Variants in ATXN1 observed in about 807,000 individuals in gnomAD.
ATXN1 encodes ataxin-1.
ATXN1 carries 8 observed loss-of-function variants against 56.4 expected under a neutral mutation model. The observed-to-expected ratio is 0.14, with a 90% confidence interval of 0.08 to 0.26. The LOEUF (loss-of-function observed/expected upper bound fraction) is 0.26, where lower values mean the gene tolerates loss of function less well. Among genes scored for constraint, ATXN1 ranks in the 10% least tolerant of loss-of-function variants. ATXN1 has a pLI of 1.00. For synonymous variants in ATXN1, 514 were observed against 494.6 expected (o/e 1.04, Z -0.52); for missense variants, 987 against 1,106.5 (o/e 0.89, Z 1.53).
At chr6:16,520,061 C>A (rs1458616747) in intron 5 of ATXN1, among the ~76,000 whole-genome samples, 1 of 152,214 alleles carries the variant, frequency 6.6e-6, no homozygotes, top group African/African-American at 2.4e-5. Flanking sequence ...GGAACCAATG[C>A]ATGTCATTGC....
intron 4 of ATXN1, among the ~76,000 whole-genome samples, chr6:16,541,911 CAGA>C (rs1364907852): frequency 6.6e-6 from 1 of 152,118 alleles, no homozygotes; most frequent in Non-Finnish European, 1.5e-5. Context: ...ACTCAAAGGA[CAGA>C]AAGTACAATG....
At chr6:16,359,410 AG>A (rs919158092) in intron 6 of ATXN1, among the ~76,000 whole-genome samples, 3 of 152,098 alleles carry the variant, frequency 2.0e-5, no homozygotes, top group Non-Finnish European at 4.4e-5. Flanking sequence ...CCAGGGACAA[AG>A]GGGGCAGAGA....
intron 6 of ATXN1, among the ~76,000 whole-genome samples, chr6:16,464,428 G>A (rs1015400916): frequency 2.6e-5 from 4 of 152,134 alleles, no homozygotes; most frequent in Admixed American, 1.3e-4. Context: ...ACCACAGCCA[G>A]CAGCAGCAAC....
chr6:16,365,113 C>T (rs1761891867), intron 6 of ATXN1, among the ~76,000 whole-genome samples: 1 of 151,992 alleles, frequency 6.6e-6, no homozygotes, highest in Non-Finnish European at 1.5e-5. Flanking sequence ...ACAATGTGCA[C>T]GTTTGTTACA....
intron 6 of ATXN1, among the ~76,000 whole-genome samples, chr6:16,335,717 G>A (rs1761109036): frequency 6.6e-6 from 1 of 152,208 alleles, no homozygotes; most frequent in Non-Finnish European, 1.5e-5. Flanking sequence ...CATGCTGGAT[G>A]ATCCAGGTGG....
At chr6:16,444,981 G>A (rs1759602837) in intron 6 of ATXN1, among the ~76,000 whole-genome samples, 2 of 152,108 alleles carry the variant, frequency 1.3e-5, no homozygotes, top group African/African-American at 4.8e-5. Flanking sequence ...TCCAAACCCA[G>A]ACGGGTGGGA....
intron 6 of ATXN1, among the ~76,000 whole-genome samples, chr6:16,361,842 A>G (rs1322340711): frequency 6.6e-6 from 1 of 152,214 alleles, no homozygotes; most frequent in Non-Finnish European, 1.5e-5. Flanking sequence ...TTCTGATTCT[A>G]AATGGTCAAT....
At chr6:16,373,727 C>T (rs985485611) in intron 6 of ATXN1, among the ~76,000 whole-genome samples, 1 of 152,196 alleles carries the variant, frequency 6.6e-6, no homozygotes, top group Non-Finnish European at 1.5e-5. Context: ...TTGCCTGCTG[C>T]CATGTAAGAC....
At chr6:16,314,684 C>T (rs771712587) in intron 7 of ATXN1, among the ~76,000 whole-genome samples, 1 of 151,834 alleles carries the variant, frequency 6.6e-6, no homozygotes, top group African/African-American at 2.4e-5. Flanking sequence ...GGCACTATCT[C>T]GGCTCACTGC....
At chr6:16,696,366 G>A (rs990352246) in intron 2 of ATXN1, among the ~76,000 whole-genome samples, 1 of 152,102 alleles carries the variant, frequency 6.6e-6, no homozygotes, top group East Asian at 1.9e-4. Flanking sequence ...CTACTATGTC[G>A]AGGTAATAAC....
In ATXN1 at chr6:16,313,747, G is replaced by A. The variant is rs561640190; in HGVS notation, c.1918-6888C>T. 3.9e-5 allele frequency among the ~76,000 whole-genome samples: 6 copies of A among 151,902 alleles called. No individual in the cohort carries two copies. In the South Asian group the frequency reaches 6.3e-4, roughly 16 times the overall value. On this transcript the variant is annotated intron_variant, in intron 7 of 7. Transcript: ENST00000436367. ...AATTTTTTATATTTTTAGTAGACACGGGGTTTCATTCACCATGTTGGCCAA... is the reference window on the plus strand; with the variant it reads ...AATTTTTTATATTTTTAGTAGACACAGGGTTTCATTCACCATGTTGGCCAA...
At chr6:16,504,779 C>G (rs1212834915) in intron 5 of ATXN1, among the ~76,000 whole-genome samples, 2 of 152,126 alleles carry the variant, frequency 1.3e-5, no homozygotes, top group African/African-American at 4.8e-5. Flanking sequence ...TAAAATAACA[C>G]AGGGGAAATG....
At chr6:16,323,430 A>T (rs949738255) in intron 7 of ATXN1, among the ~76,000 whole-genome samples, 38 of 150,940 alleles carry the variant, frequency 2.5e-4, no homozygotes, top group African/African-American at 8.8e-4. Context: ...GAGGCAGAAG[A>T]ATCACTTGAA....
intron 2 of ATXN1, among the ~76,000 whole-genome samples, chr6:16,662,944 G>A (rs1413326669): frequency 6.7e-6 from 1 of 150,356 alleles, no homozygotes; most frequent in Non-Finnish European, 1.5e-5. Flanking sequence ...TACTGAATAA[G>A]ATAGCCACAG....
At position 16,306,471 on chromosome 6, in the gene ATXN1, G is replaced by C; in HGVS notation, c.2306C>G (p.Thr769Arg). 1 of 1,614,178 alleles carries C rather than the reference G, an allele frequency of 6.2e-7. No individual in the cohort carries two copies. Among genetic ancestry groups the C allele is most frequent in the South Asian group, 1.1e-5 (1 of 91,082 alleles). ...TKIEPSKPAA[T>R]RKRRWSAPES... ...TGGCGCCGACCACCTCCTCTTCCTC[G>C]TTGCCGCGGGCTTGCTGGGTTCTAT... is the stretch of plus-strand genomic sequence containing the variant. Residue 769 changes from threonine (T) to arginine (R), a missense_variant, in exon 8 of 8, where the codon ACG (threonine) becomes AGG (arginine). Physicochemically the swap from Thr to Arg is moderately conservative, Grantham distance 71. This residue lies in a region of ATXN1 where 196 missense variants were observed against 196.7 expected (regional missense o/e 1.00). Coordinates refer to ENST00000436367, the MANE Select transcript of ATXN1 (RefSeq NM_001128164.2). This position sits in a 1 kb window ranked among gnomAD's most constrained non-coding sequence, Gnocchi z 5.2.
intron 2 of ATXN1, among the ~76,000 whole-genome samples, chr6:16,742,619 A>G (rs1231849072): frequency 6.6e-6 from 1 of 152,146 alleles, no homozygotes; most frequent in Non-Finnish European, 1.5e-5. Flanking sequence ...ACCATCAACC[A>G]CAAATGCACT....
intron 6 of ATXN1, among the ~76,000 whole-genome samples, chr6:16,482,322 T>G (rs1760456084): frequency 1.3e-5 from 2 of 152,222 alleles, no homozygotes; most frequent in Admixed American, 6.5e-5. Context: ...AGAATGAGAA[T>G]AAGGATAAGA....
At chr6:16,682,444 G>T (rs1360954734) in intron 2 of ATXN1, among the ~76,000 whole-genome samples, 1 of 152,068 alleles carries the variant, frequency 6.6e-6, no homozygotes, top group South Asian at 2.1e-4. Context: ...TGATCTGTCC[G>T]CCTCGGCCTC....
chr6:16,434,032 T>C (rs900574576), intron 6 of ATXN1, among the ~76,000 whole-genome samples: 4 of 152,218 alleles, frequency 2.6e-5, no homozygotes, highest in Non-Finnish European at 5.9e-5. Flanking sequence ...AACCCCAAAT[T>C]AATTTGACAC....
Sources: gnomAD v4.1 joint callset for allele counts (sites outside exome capture counted in the v4.1 genomes callset) on GRCh38, gnomAD v4.1.1 for gene constraint, gnomAD v4.1.1 regional missense constraint, Gnocchi (gnomAD v3.1) non-coding constraint, MANE v1.5 for transcripts, NCBI Gene and HGNC (gene_info 2026-07-23, HGNC 2026-07-21) for gene names.